PCDH11X: variants seen among roughly 807,000 people sequenced by gnomAD.
PCDH11X encodes protocadherin 11 X-linked, also known as protocadherin-11 X-linked.
PCDH11X carries 18 observed loss-of-function variants against 53.3 expected under a neutral mutation model. The ratio of observed to expected loss-of-function variants is 0.34; its 90% confidence interval spans 0.23 to 0.50. PCDH11X has a LOEUF of 0.50. Ranked by LOEUF, PCDH11X falls within the 20% of genes least tolerant of loss-of-function variation. The probability of loss-of-function intolerance (pLI) is 0.98; values close to 1 mark genes in which losing one functional copy is unlikely to be tolerated. For missense variants in PCDH11X, 570 were observed against 1,032.4 expected (o/e 0.55, Z 6.14); for synonymous variants, 279 against 393.3 (o/e 0.71, Z 3.44).
intron 6 of PCDH11X, chrX:91,982,907 G>C: frequency 1.0e-6 from 1 of 999,336 alleles, no homozygotes; most frequent in South Asian, 1.9e-5. Flanking sequence ...CCAACTTCTT[G>C]TTCACTTTCT....
At chrX:92,249,239 A>G (rs1365721673) in intron 7 of PCDH11X, among the ~76,000 whole-genome samples, 3 of 111,330 alleles carry the variant, frequency 2.7e-5, no homozygotes, top group African/African-American at 9.8e-5. Context: ...GATCATTTGT[A>G]TTCTGTTGTT....
At chrX:92,120,929 A>C (rs1308310223) in intron 6 of PCDH11X, among the ~76,000 whole-genome samples, 1 of 111,215 alleles carries the variant, frequency 9.0e-6, no homozygotes, top group African/African-American at 3.3e-5. Flanking sequence ...ATTATTTTAG[A>C]GGTCTGGCAG....
At chrX:92,573,797 A>G (rs1042614850) in intron 10 of PCDH11X, among the ~76,000 whole-genome samples, 2 of 107,810 alleles carry the variant, frequency 1.9e-5, no homozygotes, top group African/African-American at 6.7e-5. Flanking sequence ...GATGAGAATA[A>G]CAGAGGCAGT....
intron 6 of PCDH11X, among the ~76,000 whole-genome samples, chrX:91,892,036 TG>T (rs2147766931): frequency 4.0e-5 from 4 of 99,847 alleles, no homozygotes; most frequent in African/African-American, 1.4e-4. Flanking sequence ...TGTGTGTGTG[TG>T]TGTGTGTGTT....
At chrX:91,786,959 C>G (rs2524814) in intron 1 of PCDH11X, among the ~76,000 whole-genome samples, 1 of 111,227 alleles carries the variant, frequency 9.0e-6, no homozygotes, top group East Asian at 2.8e-4. Context: ...ATTAAAATAA[C>G]TTTTTCAGTT....
chrX:92,283,200 C>T (rs773325185), intron 8 of PCDH11X, among the ~76,000 whole-genome samples: 1 of 111,555 alleles, frequency 9.0e-6, no homozygotes. Flanking sequence ...CATATAAAAA[C>T]AGATATTTTA....
At chrX:92,268,717 G>T (rs2067887117) in intron 8 of PCDH11X, among the ~76,000 whole-genome samples, 1 of 111,527 alleles carries the variant, frequency 9.0e-6, no homozygotes, top group African/African-American at 3.3e-5. Flanking sequence ...CAATGGTAAT[G>T]GCTGAAAATT....
chrX:92,254,816 A>C (rs1482927247), intron 7 of PCDH11X, among the ~76,000 whole-genome samples: 2 of 110,055 alleles, frequency 1.8e-5, no homozygotes, highest in African/African-American at 6.6e-5. Context: ...ATCCACTGTT[A>C]GTCTGATGTG....
intron 10 of PCDH11X, among the ~76,000 whole-genome samples, chrX:92,559,025 G>A (rs913681072): frequency 7.2e-5 from 8 of 110,959 alleles, no homozygotes; most frequent in African/African-American, 1.6e-4. Flanking sequence ...TTTAAAATCC[G>A]TGCCAAAATT....
At chrX:91,962,448 A>G (rs975710497) in intron 6 of PCDH11X, among the ~76,000 whole-genome samples, 8 of 112,639 alleles carry the variant, frequency 7.1e-5, no homozygotes, top group Non-Finnish European at 9.4e-5. Context: ...CTGATGCAAG[A>G]GGTGAGCTCT....
intron 6 of PCDH11X, among the ~76,000 whole-genome samples, chrX:92,144,051 T>A (rs2065231925): frequency 8.9e-6 from 1 of 111,929 alleles, no homozygotes; most frequent in South Asian, 3.7e-4. Flanking sequence ...AGCCCCCTTT[T>A]TTTAGATGAT....
chrX:92,024,733 A>AAC (rs2062942323), intron 6 of PCDH11X, among the ~76,000 whole-genome samples: 1 of 106,768 alleles, frequency 9.4e-6, no homozygotes, highest in African/African-American at 3.5e-5. Context: ...AAAAAAAAAA[A>AAC]AAAACAAAAC....
At chrX:92,300,408 C>A (rs762428008) in intron 8 of PCDH11X, among the ~76,000 whole-genome samples, 4 of 111,389 alleles carry the variant, frequency 3.6e-5, no homozygotes, top group African/African-American at 1.3e-4. Flanking sequence ...TATGTGTGGG[C>A]TGATTTTTCT....
intron 1 of PCDH11X, among the ~76,000 whole-genome samples, chrX:91,781,310 G>A (rs201440550): frequency 6.4e-5 from 7 of 109,381 alleles, no homozygotes; most frequent in Non-Finnish European, 1.3e-4. Context: ...GGGTAGAAGG[G>A]GGAGGGGGGG....
At chrX:92,202,125 C>T (rs1310987657) in intron 7 of PCDH11X, among the ~76,000 whole-genome samples, 1 of 111,596 alleles carries the variant, frequency 9.0e-6, no homozygotes, top group Non-Finnish European at 1.9e-5. Context: ...TATACATTGG[C>T]ATGATTCCAA....
At chrX:92,221,284 C>T (rs1049141375) in intron 7 of PCDH11X, among the ~76,000 whole-genome samples, 2,829 of 15,709 alleles carry the variant, frequency 0.18, 99 homozygotes, top group Middle Eastern at 0.38. Context: ...ATACAACACA[C>T]ACACACACAC....
intron 10 of PCDH11X, among the ~76,000 whole-genome samples, chrX:92,498,052 G>A (rs768942652): frequency 2.7e-5 from 3 of 111,557 alleles, no homozygotes; most frequent in East Asian, 5.6e-4. Context: ...TTTATTTATT[G>A]TTTTGTTATT....
Position 91,835,517 on chromosome X carries a change from T to C in PCDH11X, c.13T>C (p.Ser5Pro), listed in dbSNP as rs1026614437. Residue 5 changes from serine (S) to proline (P), a missense_variant, in exon 5 of 11, where the codon TCC becomes CCC. Transcript: ENST00000682573. Reference sequence around the variant, plus strand: ...AAGTGTACCTGGTATGGACTTGTTGTCCGGGACGTACATTTTCGCGGTCCT... The same window carrying C: ...AAGTGTACCTGGTATGGACTTGTTGCCCGGGACGTACATTTTCGCGGTCCT... MDLL[S>P]GTYIFAVLLA... The C allele has an allele frequency of 8.3e-7, 1 of 1,209,385 alleles. No individual in the cohort carries two copies. The highest frequency in any genetic ancestry group is 1.1e-6 in the Non-Finnish European group (1 of 895,211).
At chrX:91,951,811 C>T (rs2061644053) in intron 6 of PCDH11X, among the ~76,000 whole-genome samples, 1 of 111,508 alleles carries the variant, frequency 9.0e-6, no homozygotes, top group South Asian at 3.7e-4. Flanking sequence ...CTTACATTTT[C>T]ATTATTAAGG....
Sources: gnomAD v4.1 joint callset for allele counts (sites outside exome capture counted in the v4.1 genomes callset) on GRCh38, gnomAD v4.1.1 for gene constraint, MANE v1.5 for transcripts, NCBI Gene and HGNC (gene_info 2026-07-23, HGNC 2026-07-21) for gene names.